Variants in ANKFN1 observed in about 807,000 individuals in gnomAD.
ANKFN1 encodes ankyrin repeat and fibronectin type III domain containing 1.
Under a neutral mutation model 108.7 loss-of-function variants are expected in ANKFN1, and 74 were observed. The observed-to-expected ratio is 0.68, with a 90% CI of 0.56 to 0.83. The LOEUF is 0.83. ANKFN1 is among the 40% of genes least tolerant of loss of function. The pLI, the probability that ANKFN1 is intolerant of heterozygous loss-of-function variation, is 0.00. For missense variants in ANKFN1, 1,505 were observed against 1,382.3 expected (o/e 1.09, Z -1.41); for synonymous variants, 547 against 516.2 (o/e 1.06, Z -0.81).
chr17:56,209,596 G>T (rs1914812631), intron 1 of ANKFN1, among the ~76,000 whole-genome samples: 1 of 152,178 alleles, frequency 6.6e-6, no homozygotes, highest in South Asian at 2.1e-4. Flanking sequence ...TAAATCAGAG[G>T]TCATAACCAG....
At chr17:56,105,263 T>A (rs1315960914) in intron 4 of ANKFN1, among the ~76,000 whole-genome samples, 2 of 152,050 alleles carry the variant, frequency 1.3e-5, no homozygotes, top group African/African-American at 4.8e-5. Flanking sequence ...GAGTGACTGG[T>A]TCTGTATGGA....
intron 4 of ANKFN1, among the ~76,000 whole-genome samples, chr17:56,077,712 A>G (rs537404129): frequency 2.6e-5 from 4 of 152,206 alleles, no homozygotes; most frequent in African/African-American, 9.6e-5. Context: ...CCCTACTTCT[A>G]GGGTTCTGGA....
intron 14 of ANKFN1, among the ~76,000 whole-genome samples, chr17:56,461,704 T>G (rs779352935): frequency 2.0e-5 from 3 of 152,194 alleles, no homozygotes; most frequent in South Asian, 2.1e-4. Flanking sequence ...GTGCCCCACT[T>G]GGACTGTGAG....
chr17:56,137,300 C>T (rs1474064618), intron 4 of ANKFN1, among the ~76,000 whole-genome samples: 3 of 152,176 alleles, frequency 2.0e-5, no homozygotes, highest in African/African-American at 7.2e-5. Context: ...CCCTTAGGGG[C>T]CTGGCTCTAT....
intron 4 of ANKFN1, among the ~76,000 whole-genome samples, chr17:56,333,589 T>A (rs1384953610): frequency 2.0e-5 from 3 of 152,130 alleles, no homozygotes; most frequent in African/African-American, 2.4e-5. Flanking sequence ...TAACGTTTTG[T>A]TGAAATTTTT....
intron 4 of ANKFN1, among the ~76,000 whole-genome samples, chr17:56,089,679 C>T (rs1157496039): frequency 6.6e-6 from 1 of 151,208 alleles, no homozygotes. Context: ...GCATAAGGCG[C>T]AAAGACAGGA....
intron 8 of ANKFN1, among the ~76,000 whole-genome samples, chr17:56,433,982 G>T (rs1013945499): frequency 2.0e-5 from 3 of 152,256 alleles, no homozygotes; most frequent in Non-Finnish European, 4.4e-5. Context: ...GTTGCAGTGA[G>T]CCAAGATTGT....
chr17:56,447,422 GA>G (rs2049335225), intron 10 of ANKFN1, among the ~76,000 whole-genome samples: 1 of 152,026 alleles, frequency 6.6e-6, no homozygotes. Flanking sequence ...TCCTTCCCAA[GA>G]GAAAAGAGAA....
At chr17:56,489,124 A>G (rs1285826264) in intron 18 of ANKFN1, among the ~76,000 whole-genome samples, 1 of 152,216 alleles carries the variant, frequency 6.6e-6, no homozygotes, top group Non-Finnish European at 1.5e-5. Flanking sequence ...AAGCCCATGT[A>G]CTTTCCACTG....
At chr17:56,083,654 T>C (rs1238509508) in intron 4 of ANKFN1, among the ~76,000 whole-genome samples, 1 of 151,306 alleles carries the variant, frequency 6.6e-6, no homozygotes, top group Admixed American at 6.6e-5. Context: ...ATGTTCTGAC[T>C]TTAAGCAAAA....
chr17:56,395,645 T>C (rs2047559161), intron 8 of ANKFN1, among the ~76,000 whole-genome samples: 2 of 152,052 alleles, frequency 1.3e-5, no homozygotes, highest in Admixed American at 1.3e-4. Flanking sequence ...GGTCAAGAGT[T>C]CGAGACCAGC....
chr17:56,102,138 C>CA (rs1567787119), intron 4 of ANKFN1, among the ~76,000 whole-genome samples: 3 of 152,032 alleles, frequency 2.0e-5, no homozygotes, highest in African/African-American at 7.2e-5. Context: ...TATGTGTGTA[C>CA]AAAAAAGAAC....
intron 3 of ANKFN1, among the ~76,000 whole-genome samples, chr17:56,235,587 C>G (rs1296892581): frequency 6.6e-6 from 1 of 152,114 alleles, no homozygotes; most frequent in Admixed American, 6.6e-5. Context: ...GCCTGTTACC[C>G]CAGCACCATT....
chr17:56,492,064 A>C (rs2051057617), intron 18 of ANKFN1, 123 bp from the exon 19 acceptor site: 1 of 608,742 alleles, frequency 1.6e-6, no homozygotes, highest in Middle Eastern at 3.8e-4. Context: ...TTTATGGCTT[A>C]ATATTTTCCA....
intron 2 of ANKFN1, among the ~76,000 whole-genome samples, chr17:56,223,043 A>G (rs774096365): frequency 4.6e-5 from 7 of 152,234 alleles, no homozygotes; most frequent in Non-Finnish European, 1.0e-4. Flanking sequence ...GGAGATCTCT[A>G]TATACTGACT....
chr17:56,345,123 A>G (rs1182176316), intron 4 of ANKFN1, among the ~76,000 whole-genome samples: 1 of 151,912 alleles, frequency 6.6e-6, no homozygotes, highest in Non-Finnish European at 1.5e-5. Flanking sequence ...AACCCCACTT[A>G]TGAGTGAGAA....
intron 8 of ANKFN1, among the ~76,000 whole-genome samples, chr17:56,434,857 G>A (rs1400294387): frequency 2.6e-5 from 4 of 152,076 alleles, no homozygotes; most frequent in African/African-American, 7.2e-5. Flanking sequence ...ATGGATCGGG[G>A]GAAGATTTCA....
chr17:56,345,352 T>C (rs1414983862), intron 4 of ANKFN1, among the ~76,000 whole-genome samples: 2 of 152,188 alleles, frequency 1.3e-5, no homozygotes, highest in Admixed American at 1.3e-4. Flanking sequence ...ACTATAAACA[T>C]ACATGTGCAT....
intron 3 of ANKFN1, chr17:56,228,175 T>TATTACGTCTAAA (rs1916427504): frequency 2.1e-6 from 1 of 482,990 alleles, no homozygotes; most frequent in Non-Finnish European, 3.6e-6. Context: ...GTTGTGACAA[T>TATTACGTCTAAA]ATTACGTCTA....
Sources: gnomAD v4.1 joint callset for allele counts (sites outside exome capture counted in the v4.1 genomes callset) on GRCh38, gnomAD v4.1.1 for gene constraint, MANE v1.5 for transcripts, NCBI Gene and HGNC (gene_info 2026-07-23, HGNC 2026-07-21) for gene names.